Variants in ALCAM observed in about 807,000 individuals in gnomAD.
The protein encoded by ALCAM is activated leukocyte cell adhesion molecule, also known as CD166 antigen.
A neutral mutation model predicts 70.9 loss-of-function variants in ALCAM; 30 were observed. That is an observed-to-expected ratio of 0.42 (90% CI 0.32 to 0.57). The LOEUF is 0.57. Among genes scored for constraint, ALCAM ranks in the 20% least tolerant of loss-of-function variants. The pLI is 0.11. For missense variants in ALCAM, 591 were observed against 695.1 expected (o/e 0.85, Z 1.68); for synonymous variants, 249 against 242.5 (o/e 1.03, Z -0.25).
At chr3:105,481,215 C>T (rs1287115169) in intron 1 of ALCAM, among the ~76,000 whole-genome samples, 1 of 151,982 alleles carries the variant, frequency 6.6e-6, no homozygotes, top group East Asian at 1.9e-4. Flanking sequence ...AAGCAAATGC[C>T]ACTAGATTTG....
At chr3:105,389,398 T>TTTTTTTC (rs1553718636) in intron 1 of ALCAM, among the ~76,000 whole-genome samples, 1 of 127,822 alleles carries the variant, frequency 7.8e-6, no homozygotes, top group Non-Finnish European at 1.7e-5. Flanking sequence ...TTTTTTTTTT[T>TTTTTTTC]CTAAAAAACA....
At chr3:105,515,190 A>C (rs1939348977) in intron 1 of ALCAM, among the ~76,000 whole-genome samples, 1 of 152,014 alleles carries the variant, frequency 6.6e-6, no homozygotes, top group Non-Finnish European at 1.5e-5. Flanking sequence ...ATGTGATTGA[A>C]TCATAAAATC....
chr3:105,541,463 T>C (rs1940113720), intron 7 of ALCAM, among the ~76,000 whole-genome samples, 170 bp from the exon 8 acceptor site: 2 of 152,002 alleles, frequency 1.3e-5, no homozygotes, highest in South Asian at 2.1e-4. Context: ...TATTAATTAT[T>C]TGCCCAGGAA....
chr3:105,514,970 A>C (rs73192717), intron 1 of ALCAM, among the ~76,000 whole-genome samples: 19,819 of 151,982 alleles, frequency 0.13, 1,354 homozygotes, highest in Middle Eastern at 0.17. Context: ...CTATTTCACA[A>C]AATGACATTA....
chr3:105,370,465 A>T (rs1400266022), intron 1 of ALCAM, among the ~76,000 whole-genome samples: 2 of 152,180 alleles, frequency 1.3e-5, no homozygotes, highest in East Asian at 3.9e-4. Flanking sequence ...CATACAAAAT[A>T]AAAAGACAGA....
intron 1 of ALCAM, among the ~76,000 whole-genome samples, chr3:105,395,788 TTCTG>T (rs1445272212): frequency 6.6e-6 from 1 of 152,034 alleles, no homozygotes; most frequent in African/African-American, 2.4e-5. Context: ...AGGCTATCAG[TTCTG>T]TCTGTCTCAA....
chr3:105,430,485 A>G (rs182527320), intron 1 of ALCAM, among the ~76,000 whole-genome samples: 101 of 152,190 alleles, frequency 6.6e-4, no homozygotes, highest in African/African-American at 2.4e-3. Context: ...TTTTCTTATG[A>G]TAATATTGGG....
intron 1 of ALCAM, among the ~76,000 whole-genome samples, chr3:105,445,089 A>G (rs1379602846): frequency 6.6e-6 from 1 of 152,220 alleles, no homozygotes; most frequent in African/African-American, 2.4e-5. Context: ...ACAAGAAAAT[A>G]TTGGAGAAGT....
chr3:105,488,759 G>A (rs1057107075), intron 1 of ALCAM, among the ~76,000 whole-genome samples: 7 of 151,530 alleles, frequency 4.6e-5, no homozygotes, highest in African/African-American at 7.3e-5. Context: ...GGGAAGGAAG[G>A]AGGGAATGAA....
intron 3 of ALCAM, among the ~76,000 whole-genome samples, chr3:105,529,298 A>G (rs115414344): frequency 6.6e-6 from 1 of 152,342 alleles, no homozygotes; most frequent in Non-Finnish European, 1.5e-5. Context: ...TAATGATGCA[A>G]GTAAATTTGT....
At chr3:105,419,706 G>C (rs1435651856) in intron 1 of ALCAM, among the ~76,000 whole-genome samples, 4 of 151,784 alleles carry the variant, frequency 2.6e-5, no homozygotes, top group Non-Finnish European at 4.4e-5. Flanking sequence ...TGTCCCAAAG[G>C]AGTCTTATTT....
At chr3:105,562,750 G>T (rs555838114) in intron 14 of ALCAM, among the ~76,000 whole-genome samples, 1 of 152,222 alleles carries the variant, frequency 6.6e-6, no homozygotes, top group African/African-American at 2.4e-5. Flanking sequence ...TGGACCTTGA[G>T]TTTTCTTTAT....
At position 105,484,716 on chromosome 3, in the gene ALCAM, A is replaced by G. The variant is rs116224842; in HGVS notation, c.74-35351A>G. The stretch of plus-strand genomic sequence containing the variant: ...GACAGAAGAGGAATCATTAACATCC[A>G]AAGGCATTTTTACACTGTGATAATT... On this transcript the variant is annotated intron_variant, in intron 1 of 15. Coordinates refer to ENST00000306107, the MANE Select transcript of ALCAM (RefSeq NM_001627.4). 2.4e-3 allele frequency among the ~76,000 whole-genome samples: 361 copies of G among 152,186 alleles called. 1 individual carries two copies. The highest frequency in any genetic ancestry group is 8.2e-3 in the African/African-American group (340 of 41,564).
chr3:105,553,543 TAAAAG>T lies in ALCAM; in HGVS notation c.1664+960_1664+964del, dbSNP rs541111576. 5.9e-5 allele frequency among the ~76,000 whole-genome samples: 9 copies of T among 151,874 alleles called. No individual in the cohort carries two copies. The East Asian group carries it at 1.8e-3, about 30-fold the overall frequency. On this transcript the variant is annotated intron_variant, in intron 14 of 15. Coordinates refer to ENST00000306107, the MANE Select transcript of ALCAM (RefSeq NM_001627.4). ...TTTAAAAAATGTAAGAAAGTTGACT[TAAAAG>T]AGAATCAAAAGAAAAATCAGATTTA...
chr3:105,419,753 A>G (rs1286787292), intron 1 of ALCAM, among the ~76,000 whole-genome samples: 1 of 151,872 alleles, frequency 6.6e-6, no homozygotes. Flanking sequence ...CTGAAACTTA[A>G]CAGTTTGTTG....
intron 1 of ALCAM, among the ~76,000 whole-genome samples, chr3:105,425,499 TA>T (rs1936767237): frequency 6.6e-6 from 1 of 151,794 alleles, no homozygotes; most frequent in Non-Finnish European, 1.5e-5. Flanking sequence ...AGCAATGATT[TA>T]AAAAATAATT....
chr3:105,490,878 A>G (rs991837266), intron 1 of ALCAM, among the ~76,000 whole-genome samples: 2 of 152,144 alleles, frequency 1.3e-5, no homozygotes, highest in Admixed American at 1.3e-4. Context: ...TGGATCTACA[A>G]TTCTGAGGGC....
intron 1 of ALCAM, among the ~76,000 whole-genome samples, chr3:105,420,258 C>A (rs562824681): frequency 2.0e-4 from 31 of 151,524 alleles, no homozygotes; most frequent in African/African-American, 6.5e-4. Flanking sequence ...GTCTTCTACA[C>A]CTTTATTAAA....
intron 1 of ALCAM, among the ~76,000 whole-genome samples, chr3:105,495,104 G>A (rs182649313): frequency 7.9e-5 from 12 of 152,138 alleles, no homozygotes; most frequent in African/African-American, 2.2e-4. Context: ...CTTTTTGCCC[G>A]GAAGCTTTGA....
Sources: gnomAD v4.1 joint callset for allele counts (sites outside exome capture counted in the v4.1 genomes callset) on GRCh38, gnomAD v4.1.1 for gene constraint, MANE v1.5 for transcripts, NCBI Gene and HGNC (gene_info 2026-07-23, HGNC 2026-07-21) for gene names.